Variants in WDFY3 observed in about 807,000 individuals in gnomAD.
WDFY3 encodes WD repeat and FYVE domain-containing protein 3.
A neutral mutation model predicts 409.6 loss-of-function variants in WDFY3; 66 were observed. The ratio of observed to expected loss-of-function variants is 0.16; its 90% CI spans 0.13 to 0.20. The LOEUF (loss-of-function observed/expected upper bound fraction) is 0.20, where lower values mean the gene tolerates loss of function less well. Ranked by LOEUF, WDFY3 falls within the 10% of genes least tolerant of loss-of-function variation. The pLI, the probability that WDFY3 is intolerant of heterozygous loss-of-function variation, is 1.00. For synonymous variants in WDFY3, 1,521 were observed against 1,537.1 expected, an observed-to-expected ratio of 0.99 and a Z score of 0.25; for missense variants, 3,031 against 4,298.1, an observed-to-expected ratio of 0.71 and a Z score of 8.24.
In WDFY3 at chr4:84,740,275, T is replaced by C; in HGVS notation, c.6376A>G (p.Asn2126Asp). ...CCAGGTCCCAGGATCAAGTTTCTGTTTACAGTGAGGACCCTGAGTGAATCA... is the reference window on the plus strand; with the variant it reads ...CCAGGTCCCAGGATCAAGTTTCTGTCTACAGTGAGGACCCTGAGTGAATCA... ...LLDSLRVLTV[N>D]RNLILGPGNH... is the part of the protein sequence containing the mutation. Residue 2126 changes from asparagine (N) to aspartate (D), a missense_variant, in exon 39 of 68, where the codon AAC becomes GAC. Coordinates refer to ENST00000295888, the MANE Select transcript of WDFY3 (RefSeq NM_014991.6). The C allele has an allele frequency of 1.2e-6, 2 of 1,614,048 alleles. No individual in the cohort carries two copies. The highest frequency in any genetic ancestry group is 1.7e-6 in the Non-Finnish European group (2 of 1,180,000).
intron 32 of WDFY3, among the ~76,000 whole-genome samples, chr4:84,758,282 T>A (rs1741802497): frequency 6.6e-6 from 1 of 152,236 alleles, no homozygotes; most frequent in African/African-American, 2.4e-5. Context: ...GGGTTCACTC[T>A]GTTGCCCAGG....
rs745623834 is a variant in WDFY3 at position 84,836,991 on chromosome 4, C to G, written c.514G>C (p.Gly172Arg). ...DLPHVPEAVG[G>R]AQNELPLAER... ...GCTAGAGGTAGCTCATTCTGTGCAC[C>G]TCCAACTGCCTCAGGCACATGTGGA... The change falls in exon 7 of 68, where the codon GGT becomes CGT. Residue 172 changes from glycine (G) to arginine (R), a missense_variant. Physicochemically the swap from Gly to Arg is moderately radical, Grantham distance 125 (BLOSUM62 -2). This residue lies in a region of WDFY3 where 1,322 missense variants were observed against 1,697.9 expected (regional missense o/e 0.78). Transcript: ENST00000295888. 2 of 1,601,270 alleles carry G rather than the reference C, an allele frequency of 1.2e-6. No individual in the cohort carries two copies. The highest frequency in any genetic ancestry group is 2.3e-5 in the South Asian group (2 of 87,848).
chr4:84,874,108 T>G (rs1762467565), intron 3 of WDFY3, among the ~76,000 whole-genome samples: 1 of 151,384 alleles, frequency 6.6e-6, no homozygotes, highest in African/African-American at 2.4e-5. Flanking sequence ...AGCTCCTAAG[T>G]TATCTTCTGA....
intron 60 of WDFY3, 136 bp from the exon 61 acceptor site, chr4:84,690,800 T>G: frequency 5.6e-6 from 6 of 1,072,530 alleles, no homozygotes; most frequent in Non-Finnish European, 7.7e-6. Flanking sequence ...CTAGCTTTAG[T>G]TCAGAAGCAT....
At chr4:84,879,796 C>T (rs1411079783) in intron 3 of WDFY3, among the ~76,000 whole-genome samples, 1 of 152,058 alleles carries the variant, frequency 6.6e-6, no homozygotes, top group African/African-American at 2.4e-5. Flanking sequence ...GAAAGGCAAA[C>T]AACCCAATAG....
At chr4:84,909,239 G>A (rs1234026674) in intron 2 of WDFY3, among the ~76,000 whole-genome samples, 3 of 151,740 alleles carry the variant, frequency 2.0e-5, no homozygotes, top group Non-Finnish European at 2.9e-5. Context: ...TGGTTCATGG[G>A]GTAAAATAAA....
In WDFY3 at chr4:84,684,048, C is replaced by G. The variant is rs201978616; in HGVS notation, c.9621G>C (p.Thr3207=). ...TGATCTGCTGGCTCCTACCTGTGAACGTGTTGACACTCACGATAGGGTTCC... is the reference window on the plus strand; with the variant it reads ...TGATCTGCTGGCTCCTACCTGTGAAGGTGTTGACACTCACGATAGGGTTCC... The part of the protein sequence containing the change: ...INGNPIVSVN[T]FTGRSQQIIC... The change falls in exon 63 of 68, where the codon ACG becomes ACC. Residue 3207 remains threonine, a synonymous_variant. Coordinates refer to ENST00000295888, the MANE Select transcript of WDFY3 (RefSeq NM_014991.6). 1 of 1,613,660 alleles carries G rather than the reference C, an allele frequency of 6.2e-7. No individual in the cohort carries two copies. Among genetic ancestry groups the G allele is most frequent in the African/African-American group, 1.3e-5 (1 of 75,046 alleles).
chr4:84,773,054 T>A, intron 29 of WDFY3, 125 bp from the exon 30 acceptor site: 1 of 685,222 alleles, frequency 1.5e-6, no homozygotes, highest in Non-Finnish European at 2.3e-6. Flanking sequence ...TTTTTCATAA[T>A]CTCATTTCAT....
At chr4:84,828,816 T>C (rs1189652894) in intron 9 of WDFY3, among the ~76,000 whole-genome samples, 188 bp downstream of exon 9, 1 of 152,144 alleles carries the variant, frequency 6.6e-6, no homozygotes, top group Non-Finnish European at 1.5e-5. Context: ...GGAGGACCAT[T>C]TGAGCCCAGG....
chr4:84,809,638 T>C (rs1752141483), intron 14 of WDFY3: 1 of 374,214 alleles, frequency 2.7e-6, no homozygotes, highest in South Asian at 5.4e-5. Context: ...ATAGAAACTG[T>C]TCCAATAACT....
At chr4:84,883,350 T>C (rs184810718) in intron 3 of WDFY3, among the ~76,000 whole-genome samples, 3 of 152,332 alleles carry the variant, frequency 2.0e-5, no homozygotes, top group East Asian at 1.9e-4. Flanking sequence ...ATTTGAAATA[T>C]GTGGCTTCTC....
At chr4:84,861,915 G>A (rs1168596094) in intron 3 of WDFY3, among the ~76,000 whole-genome samples, 1 of 152,168 alleles carries the variant, frequency 6.6e-6, no homozygotes, top group Non-Finnish European at 1.5e-5. Context: ...AAGGCTGGGA[G>A]GACATTCTGG....
rs764772407 is a variant in WDFY3 at position 84,731,356 on chromosome 4, TC to T, written c.7221+2025del. ...ATACAAGTTGACATTTAATGGCATTTCAAATTTACAAAAGATGTGAACTACT... is the reference window on the plus strand; with the variant it reads ...ATACAAGTTGACATTTAATGGCATTTAAATTTACAAAAGATGTGAACTACT... On this transcript the variant is annotated intron_variant, in intron 44 of 67. Coordinates refer to ENST00000295888, the MANE Select transcript of WDFY3 (RefSeq NM_014991.6). Among the ~76,000 whole-genome samples the T allele has an allele frequency of 3.3e-5, 5 of 152,358 alleles. No individual in the cohort carries two copies. The East Asian group carries it at 9.6e-4, about 29-fold the overall frequency.
At chr4:84,770,542 CTAAAGTTTCA>C (rs1372730860) in intron 30 of WDFY3, among the ~76,000 whole-genome samples, 9 of 152,108 alleles carry the variant, frequency 5.9e-5, no homozygotes, top group African/African-American at 1.9e-4. Flanking sequence ...AACGCTCAGG[CTAAAGTTTCA>C]TGGTTATATA....
At chr4:84,677,165 A>G (rs1726432059) in intron 67 of WDFY3, 34 bp downstream of exon 67, 1 of 1,612,100 alleles carries the variant, frequency 6.2e-7, no homozygotes, top group Non-Finnish European at 8.5e-7. Context: ...GAGCTTAATC[A>G]ATGTAAATTC....
chr4:84,738,989 A>G lies in WDFY3; in HGVS notation c.6574+21T>C, dbSNP rs565183480. On this transcript the variant is annotated intron_variant, in intron 40 of 67. Transcript: ENST00000295888. ...GATAAAACAACCACAATTTAAAAAC[A>G]TCCCAAGTCAAGGCAATTACCTTCA... 10 of 1,611,062 alleles carry G rather than the reference A, an allele frequency of 6.2e-6. No homozygotes were observed. The South Asian group carries it at 9.9e-5, about 16-fold the overall frequency.
intron 2 of WDFY3, among the ~76,000 whole-genome samples, chr4:84,931,223 C>T (rs1770724440): frequency 1.3e-5 from 2 of 152,128 alleles, no homozygotes; most frequent in African/African-American, 4.8e-5. Context: ...ATTAGTTATC[C>T]ACATTTCAGT....
chr4:84,743,585 T>G, intron 37 of WDFY3, 115 bp downstream of exon 37: 5 of 613,300 alleles, frequency 8.2e-6, no homozygotes, highest in Non-Finnish European at 9.7e-6. Context: ...ATGTTGAGTA[T>G]GAGAAGCTAG....
At chr4:84,923,959 G>A (rs549940913) in intron 2 of WDFY3, among the ~76,000 whole-genome samples, 2 of 152,232 alleles carry the variant, frequency 1.3e-5, no homozygotes, top group South Asian at 4.1e-4. Context: ...ATGATTGTGA[G>A]TTATATATTA....
Sources: gnomAD v4.1 joint callset for allele counts (sites outside exome capture counted in the v4.1 genomes callset) on GRCh38, gnomAD v4.1.1 for gene constraint, gnomAD v4.1.1 regional missense constraint, MANE v1.5 for transcripts, NCBI Gene and HGNC (gene_info 2026-07-23, HGNC 2026-07-21) for gene names.